Variants in NAALADL2 observed in about 807,000 individuals in gnomAD.
NAALADL2 encodes N-acetylated alpha-linked acidic dipeptidase like 2.
Under a neutral mutation model 87.2 loss-of-function variants are expected in NAALADL2, and 76 were observed. The observed-to-expected ratio is 0.87, with a 90% CI of 0.72 to 1.05. NAALADL2 has a LOEUF of 1.05. Ranked by LOEUF, NAALADL2 falls within the 50% of genes least tolerant of loss-of-function variation. The pLI is 0.00. For missense variants in NAALADL2, 1,089 were observed against 945.8 expected (o/e 1.15, Z -1.99); for synonymous variants, 354 against 331.0 (o/e 1.07, Z -0.75).
intron 1 of NAALADL2, among the ~76,000 whole-genome samples, chr3:174,991,130 C>A (rs1329300907): frequency 6.6e-6 from 1 of 151,904 alleles, no homozygotes; most frequent in African/African-American, 2.4e-5. Flanking sequence ...CAAAGAAGCA[C>A]AAAAATGATG....
chr3:175,117,615 A>G (rs1403340417), intron 2 of NAALADL2, among the ~76,000 whole-genome samples: 1 of 150,590 alleles, frequency 6.6e-6, no homozygotes, highest in African/African-American at 2.5e-5. Flanking sequence ...GTCAGGAAAC[A>G]ACAGGTGCTG....
chr3:175,232,630 T>C (rs1218699552), intron 2 of NAALADL2, among the ~76,000 whole-genome samples: 1 of 152,186 alleles, frequency 6.6e-6, no homozygotes, highest in African/African-American at 2.4e-5. Flanking sequence ...CGAATTTGCA[T>C]TGGCCCACAT....
intron 1 of NAALADL2, among the ~76,000 whole-genome samples, chr3:174,460,073 T>C (rs1212103944): frequency 6.6e-6 from 1 of 152,170 alleles, no homozygotes; most frequent in African/African-American, 2.4e-5. Context: ...AGGATTATGA[T>C]AGAGTACATT....
intron 1 of NAALADL2, among the ~76,000 whole-genome samples, chr3:174,894,590 GTC>G (rs1731262161): frequency 2.6e-5 from 1 of 38,334 alleles, no homozygotes; most frequent in Non-Finnish European, 4.9e-5. Context: ...GTGAAACTCC[GTC>G]TCAAAAAAAA....
At chr3:174,586,144 A>T (rs1716694335) in intron 2 of NAALADL2, among the ~76,000 whole-genome samples, 1 of 152,182 alleles carries the variant, frequency 6.6e-6, no homozygotes, top group African/African-American at 2.4e-5. Flanking sequence ...TGAAAATTTC[A>T]ACGGATATTT....
intron 2 of NAALADL2, among the ~76,000 whole-genome samples, chr3:175,112,199 T>C (rs774919140): frequency 4.6e-5 from 7 of 151,504 alleles, no homozygotes; most frequent in Non-Finnish European, 7.4e-5. Context: ...TTAGTAGATG[T>C]GCTTCTTGGA....
intron 1 of NAALADL2, among the ~76,000 whole-genome samples, chr3:174,945,179 A>G (rs564144818): frequency 9.6e-4 from 147 of 152,350 alleles, no homozygotes; most frequent in Middle Eastern, 3.4e-3. Flanking sequence ...GTATACCAGA[A>G]TTAATGAGAA....
At chr3:175,751,407 A>G (rs943267141) in intron 12 of NAALADL2, among the ~76,000 whole-genome samples, 5 of 151,592 alleles carry the variant, frequency 3.3e-5, no homozygotes, top group African/African-American at 9.7e-5. Context: ...CATCTCTGAG[A>G]AAAAAAAAGT....
chr3:175,465,755 G>A (rs1723923254), intron 7 of NAALADL2, among the ~76,000 whole-genome samples: 1 of 152,156 alleles, frequency 6.6e-6, no homozygotes, highest in African/African-American at 2.4e-5. Flanking sequence ...ACAGGCGTGA[G>A]CCACCGCCCA....
At chr3:175,168,796 C>A (rs1167505909) in intron 2 of NAALADL2, among the ~76,000 whole-genome samples, 3 of 151,754 alleles carry the variant, frequency 2.0e-5, no homozygotes, top group Non-Finnish European at 4.4e-5. Context: ...ACATTATGGA[C>A]AGTTTGTGTT....
At chr3:174,667,997 G>C (rs908562890) in intron 2 of NAALADL2, among the ~76,000 whole-genome samples, 4 of 152,000 alleles carry the variant, frequency 2.6e-5, no homozygotes, top group Non-Finnish European at 5.9e-5. Context: ...CAATGCACCA[G>C]GGTTTCATTC....
chr3:174,850,011 A>G (rs1260073675), intron 3 of NAALADL2, among the ~76,000 whole-genome samples: 1 of 152,134 alleles, frequency 6.6e-6, no homozygotes, highest in Non-Finnish European at 1.5e-5. Flanking sequence ...AACTTCAGGT[A>G]ATTTATTGTT....
intron 2 of NAALADL2, among the ~76,000 whole-genome samples, chr3:174,618,743 G>T (rs1341487803): frequency 6.6e-6 from 1 of 151,864 alleles, no homozygotes; most frequent in Non-Finnish European, 1.5e-5. Context: ...ATGGCTCAAT[G>T]TAATTTTTTT....
intron 2 of NAALADL2, among the ~76,000 whole-genome samples, chr3:175,191,751 C>T (rs527729115): frequency 1.6e-4 from 25 of 152,108 alleles, no homozygotes; most frequent in Non-Finnish European, 2.5e-4. Context: ...TAAGGCTAAA[C>T]GTTTTGTGTA....
intron 2 of NAALADL2, among the ~76,000 whole-genome samples, chr3:175,160,365 T>C (rs1404859157): frequency 1.7e-5 from 2 of 119,132 alleles, no homozygotes; most frequent in African/African-American, 6.9e-5. Flanking sequence ...TCTTTCTTTT[T>C]TTTTTTTTTT....
intron 11 of NAALADL2, among the ~76,000 whole-genome samples, chr3:175,690,530 T>C (rs1366047656): frequency 6.6e-6 from 1 of 152,068 alleles, no homozygotes; most frequent in Non-Finnish European, 1.5e-5. Context: ...TCCTGGATTA[T>C]GATAGGGTCT....
chr3:175,173,343 A>AATAAATAC (rs1202098197), intron 2 of NAALADL2, among the ~76,000 whole-genome samples: 1 of 151,366 alleles, frequency 6.6e-6, no homozygotes, highest in Non-Finnish European at 1.5e-5. Flanking sequence ...TAAATAAATA[A>AATAAATAC]ATAAATAAGC....
chr3:174,582,275 C>G (rs374962793), intron 2 of NAALADL2, among the ~76,000 whole-genome samples: 1 of 152,252 alleles, frequency 6.6e-6, no homozygotes, highest in East Asian at 1.9e-4. Context: ...GAAGTGGAGA[C>G]AACTAATGTT....
intron 11 of NAALADL2, among the ~76,000 whole-genome samples, chr3:175,646,698 G>A (rs1382114885): frequency 1.3e-5 from 2 of 152,030 alleles, no homozygotes; most frequent in African/African-American, 4.8e-5. Flanking sequence ...TGATCTATAT[G>A]CCATATTGCC....
Sources: allele counts gnomAD v4.1 joint callset (sites outside exome capture counted in the v4.1 genomes callset), GRCh38; gene constraint gnomAD v4.1.1; transcripts MANE v1.5; gene names NCBI Gene and HGNC (gene_info 2026-07-23, HGNC 2026-07-21).